The following MTUS2 variants were observed in gnomAD, a reference collection of about 807,000 sequenced individuals.
MTUS2 encodes the protein microtubule associated scaffold protein 2.
Under a neutral mutation model 114.1 loss-of-function variants are expected in MTUS2, and 40 were observed. The ratio of observed to expected loss-of-function variants is 0.35; its 90% CI spans 0.27 to 0.46. The LOEUF (loss-of-function observed/expected upper bound fraction) is 0.46, where lower values mean the gene tolerates loss of function less well. MTUS2 is among the 20% of genes least tolerant of loss of function. The probability of loss-of-function intolerance (pLI) is 1.00; values close to 1 mark genes in which losing one functional copy is unlikely to be tolerated. For missense variants in MTUS2, 1,679 were observed against 1,705.4 expected (o/e 0.98, Z 0.27); for synonymous variants, 688 against 672.0 (o/e 1.02, Z -0.37).
intron 13 of MTUS2, 80 bp downstream of exon 13, chr13:29,497,416 C>A: frequency 7.8e-7 from 1 of 1,285,704 alleles, no homozygotes. Context: ...GCAGTCTCGT[C>A]CCAAGACAAG....
At chr13:29,129,301 G>T (rs978241481) in intron 5 of MTUS2, among the ~76,000 whole-genome samples, 1 of 151,668 alleles carries the variant, frequency 6.6e-6, no homozygotes, top group African/African-American at 2.4e-5. Flanking sequence ...TCTGTCATTG[G>T]GCCAGAGTCC....
At chr13:29,174,683 A>G (rs1174979331) in intron 5 of MTUS2, among the ~76,000 whole-genome samples, 1 of 152,152 alleles carries the variant, frequency 6.6e-6, no homozygotes, top group East Asian at 1.9e-4. Flanking sequence ...CGGTTTTCTT[A>G]TAATACCAAC....
rs575672237 is a variant in MTUS2 at position 29,179,645 on chromosome 13, A to G, written c.2644+78675A>G. 1.2e-3 allele frequency among the ~76,000 whole-genome samples: 189 copies of G among 152,366 alleles called. No individual in the cohort carries two copies. The Middle Eastern group carries it at 0.017, about 14-fold the overall frequency. ...AGTCAATATATTTCTTAAACAAATT[A>G]AAAACAAACTTTGAAAATTTGGTGA... On this transcript the variant is annotated intron_variant, in intron 5 of 15. Transcript: ENST00000612955.
rs183628874 is a variant in MTUS2 at position 29,026,187 on chromosome 13, C to T, written c.1489C>T (p.Arg497Trp). ...LDPQSGRSEA[R>W]ESKEVTTSVA... ...CCCTCAAAGTGGCCGCTCAGAAGCACGGGAAAGCAAAGAGGTCACCACATC... is the reference window on the plus strand; with the variant it reads ...CCCTCAAAGTGGCCGCTCAGAAGCATGGGAAAGCAAAGAGGTCACCACATC... The change falls in exon 3 of 16, where the codon CGG becomes TGG. Residue 497 changes from arginine (R) to tryptophan (W), a missense_variant. This residue lies in a region of MTUS2 where 843 missense variants were observed against 770.8 expected (regional missense o/e 1.09). Coordinates refer to ENST00000612955, the MANE Select transcript of MTUS2 (RefSeq NM_001033602.4). 5.6e-4 allele frequency: 906 copies of T among 1,613,876 alleles called. No individual in the cohort carries two copies. The highest frequency in any genetic ancestry group is 1.5e-3 in the African/African-American group (113 of 74,998).
At chr13:29,204,299 C>T (rs940908898) in intron 5 of MTUS2, among the ~76,000 whole-genome samples, 2 of 152,172 alleles carry the variant, frequency 1.3e-5, no homozygotes, top group Admixed American at 1.3e-4. Context: ...GCCAGCCACC[C>T]TACCTTTTCT....
chr13:29,147,229 C>T (rs760927551), intron 5 of MTUS2, among the ~76,000 whole-genome samples: 2 of 152,260 alleles, frequency 1.3e-5, no homozygotes, highest in African/African-American at 2.4e-5. Context: ...AACCTCCCAA[C>T]ACCCACACAT....
intron 2 of MTUS2, among the ~76,000 whole-genome samples, chr13:28,883,728 C>T (rs1270258783): frequency 6.6e-6 from 1 of 152,032 alleles, no homozygotes; most frequent in East Asian, 1.9e-4. Context: ...TGATTGTGGC[C>T]ATGGTTACAT....
At chr13:29,347,289 T>G (rs1199795925) in intron 7 of MTUS2, among the ~76,000 whole-genome samples, 2 of 152,206 alleles carry the variant, frequency 1.3e-5, no homozygotes, top group Non-Finnish European at 2.9e-5. Context: ...ATTGTGTATG[T>G]GTTTAGTACA....
At chr13:28,967,094 A>G (rs905127162) in intron 2 of MTUS2, among the ~76,000 whole-genome samples, 1 of 152,240 alleles carries the variant, frequency 6.6e-6, no homozygotes, top group African/African-American at 2.4e-5. Context: ...ACCAGGCACT[A>G]TACTTGCAAT....
chr13:29,048,032 C>T (rs1306063243), intron 4 of MTUS2, among the ~76,000 whole-genome samples: 1 of 152,056 alleles, frequency 6.6e-6, no homozygotes. Flanking sequence ...GGATTTAAAA[C>T]AATTTGTTTA....
intron 8 of MTUS2, among the ~76,000 whole-genome samples, chr13:29,380,347 C>T (rs1872111253): frequency 1.3e-5 from 2 of 152,216 alleles, no homozygotes; most frequent in Non-Finnish European, 2.9e-5. Context: ...TGTAAACTCC[C>T]TTGTGCTACT....
intron 1 of MTUS2, among the ~76,000 whole-genome samples, chr13:28,830,074 T>G (rs747534358): frequency 1.3e-5 from 2 of 152,182 alleles, no homozygotes; most frequent in Non-Finnish European, 2.9e-5. Flanking sequence ...AGCTGACCAC[T>G]GAAGCTAGAC....
chr13:28,976,946 G>A (rs984042374), intron 2 of MTUS2, among the ~76,000 whole-genome samples: 1 of 152,204 alleles, frequency 6.6e-6, no homozygotes, highest in African/African-American at 2.4e-5. Flanking sequence ...AGGACAATTA[G>A]GTGGTTGGGG....
At chr13:29,091,118 T>G (rs1441069624) in intron 4 of MTUS2, among the ~76,000 whole-genome samples, 1 of 151,940 alleles carries the variant, frequency 6.6e-6, no homozygotes, top group Non-Finnish European at 1.5e-5. Flanking sequence ...CCTTCCTCTA[T>G]TGATTCTGGA....
intron 2 of MTUS2, among the ~76,000 whole-genome samples, chr13:28,946,613 G>C (rs1165869370): frequency 6.6e-6 from 1 of 152,176 alleles, no homozygotes; most frequent in African/African-American, 2.4e-5. Flanking sequence ...TTGTTTTTCA[G>C]AGGTTGCTTT....
chr13:29,376,940 A>T (rs1346254076), intron 8 of MTUS2, among the ~76,000 whole-genome samples: 5 of 95,228 alleles, frequency 5.3e-5, no homozygotes, highest in African/African-American at 1.9e-4. Flanking sequence ...AAAACGATGT[A>T]ACATGAAACC....
At chr13:29,371,517 C>T (rs1047310639) in intron 8 of MTUS2, among the ~76,000 whole-genome samples, 61 of 152,224 alleles carry the variant, frequency 4.0e-4, no homozygotes, top group African/African-American at 1.4e-3. Context: ...TGTGCCCGGC[C>T]TCTTCACATT....
At chr13:29,042,988 G>T (rs1468555818) in intron 4 of MTUS2, among the ~76,000 whole-genome samples, 2 of 151,810 alleles carry the variant, frequency 1.3e-5, no homozygotes, top group African/African-American at 4.8e-5. Flanking sequence ...ATCTTTGTTA[G>T]TTCTTTTCTT....
intron 2 of MTUS2, among the ~76,000 whole-genome samples, chr13:28,958,836 G>C (rs1171074247): frequency 6.6e-6 from 1 of 152,148 alleles, no homozygotes; most frequent in Non-Finnish European, 1.5e-5. Context: ...CATTTCAGTG[G>C]CCTGTGTTTC....
Sources: allele counts gnomAD v4.1 joint callset (sites outside exome capture counted in the v4.1 genomes callset), GRCh38; gene constraint gnomAD v4.1.1; regional missense constraint gnomAD v4.1.1; transcripts MANE v1.5; gene names NCBI Gene and HGNC (gene_info 2026-07-23, HGNC 2026-07-21).